The following UBR2 variants were observed in gnomAD, a reference collection of about 807,000 sequenced individuals.
UBR2 encodes the protein ubiquitin protein ligase E3 component n-recognin 2.
In UBR2, 92 loss-of-function variants were observed where a neutral mutation model predicts 247.9. That is an observed-to-expected ratio of 0.37 (90% CI 0.31 to 0.44). UBR2 has a LOEUF of 0.44. Among genes scored for constraint, UBR2 ranks in the 20% least tolerant of loss-of-function variants. The pLI is 1.00. For synonymous variants in UBR2, 672 were observed against 693.5 expected, an observed-to-expected ratio of 0.97 and a Z score of 0.49; for missense variants, 1,613 against 2,112.6, an observed-to-expected ratio of 0.76 and a Z score of 4.64.
At chr6:42,622,089 C>T (rs1203891390) in intron 11 of UBR2, among the ~76,000 whole-genome samples, 5 of 152,092 alleles carry the variant, frequency 3.3e-5, no homozygotes, top group African/African-American at 1.2e-4. Context: ...AATCTTGGCT[C>T]ACTGCAACCT....
intron 11 of UBR2, among the ~76,000 whole-genome samples, chr6:42,632,242 G>A (rs1412699780): frequency 6.6e-6 from 1 of 151,768 alleles, no homozygotes; most frequent in Non-Finnish European, 1.5e-5. Flanking sequence ...GTGTCTAAAT[G>A]TCTCAGTTAA....
Position 42,628,435 on chromosome 6 carries a change from GT to G in UBR2, c.1282-4116del, listed in dbSNP as rs1795487943. ...TCATTTTTAGTTTGGTCAAGACCCA[GT>G]ACTGGCCAGGCACAGTGGCTCATGC... On this transcript the variant is annotated intron_variant, in intron 11 of 46. Transcript: ENST00000372901. Among the ~76,000 whole-genome samples, 3 of 148,200 alleles carry G rather than the reference GT, an allele frequency of 2.0e-5. No individual in the cohort carries two copies. The South Asian group carries it at 6.3e-4, about 31-fold the overall frequency.
chr6:42,614,395 CATACATACGTAT>C lies in UBR2; in HGVS notation c.986-675_986-664del, dbSNP rs1794374201. Among the ~76,000 whole-genome samples, 6 of 114,970 alleles carry C rather than the reference CATACATACGTAT, an allele frequency of 5.2e-5. No homozygotes were observed. The Admixed American group carries it at 5.7e-4, about 11-fold the overall frequency. The allele number at this position is 114,970 out of a possible 152,430, so 75.4% of individuals were successfully genotyped here. ...ATGTGTGTATATATGTATGTACGTACATACATACGTATGTATGTACGTACGTACATATATATG... is the reference window on the plus strand; with the variant it reads ...ATGTGTGTATATATGTATGTACGTACGTATGTACGTACGTACATATATATG... On this transcript the variant is annotated intron_variant, in intron 8 of 46. Transcript: ENST00000372901.
chr6:42,671,533 GA>G (rs1798443350), intron 36 of UBR2, among the ~76,000 whole-genome samples: 1 of 152,122 alleles, frequency 6.6e-6, no homozygotes, highest in Non-Finnish European at 1.5e-5. Context: ...TGACTTCTAT[GA>G]AATATCTCTT....
rs199802297 is a variant in UBR2 at position 42,646,793 on chromosome 6, T to TTA, written c.2409+1213_2409+1214dup. On this transcript the variant is annotated intron_variant, in intron 21 of 46. Coordinates refer to ENST00000372901, the MANE Select transcript of UBR2 (RefSeq NM_001363705.2). ...TTATCACACTTTTAAAAACAATAAT[T>TTA]TATATATATATGTTTATATATATAT... 4.4e-3 allele frequency among the ~76,000 whole-genome samples: 663 copies of TTA among 150,114 alleles called. 6 individuals are homozygous for TTA. The highest frequency in any genetic ancestry group is 0.015 in the African/African-American group (607 of 40,816).
intron 4 of UBR2, among the ~76,000 whole-genome samples, chr6:42,600,712 G>A (rs1267765159): frequency 6.6e-6 from 1 of 151,480 alleles, no homozygotes; most frequent in Non-Finnish European, 1.5e-5. Context: ...TGTTGCCCAG[G>A]CTTGGAGAAG....
At chr6:42,688,084 C>T in intron 44 of UBR2, 132 bp from the exon 45 acceptor site, 1 of 970,420 alleles carries the variant, frequency 1.0e-6, no homozygotes, top group Middle Eastern at 2.6e-4. Context: ...AATAAACTTG[C>T]ATAGACTGTA....
chr6:42,633,668 G>A lies in UBR2; in HGVS notation c.1545+764G>A, dbSNP rs143192743. Among the ~76,000 whole-genome samples, 1,430 of 151,880 alleles carry A rather than the reference G, an allele frequency of 9.4e-3. 16 individuals are homozygous for A. Among genetic ancestry groups the A allele is most frequent in the African/African-American group, 0.03 (1,230 of 41,384 alleles). On this transcript the variant is annotated intron_variant, in intron 13 of 46. Transcript: ENST00000372901. ...AACCTCCCAGAGTGCTGGGATTACC[G>A]GCATGAGCCACCGCACCTGGCCAGT...
Position 42,612,121 on chromosome 6 carries a change from A to G in UBR2, c.865-50A>G, listed in dbSNP as rs199734958. ...TAAAAATAATAACTTTGTTCTGCCA[A>G]TAGAATAGCTTTTTAAGTTAATTTT... On this transcript the variant is annotated intron_variant, in intron 7 of 46. Coordinates refer to ENST00000372901, the MANE Select transcript of UBR2 (RefSeq NM_001363705.2). The G allele has an allele frequency of 2.1e-5, 30 of 1,454,884 alleles. No homozygotes were observed. In the East Asian group the frequency reaches 5.9e-4, roughly 29 times the overall value. 90.1% of individuals were successfully genotyped at this position (1,454,884 alleles called of 1,614,324 possible). A position where few individuals can be genotyped will look rare whatever the true frequency, so the allele number is the denominator to read the frequency against.
Position 42,616,038 on chromosome 6 carries a change from G to C in UBR2, c.1130G>C (p.Ser377Thr). ...RSVYHQLFMS[S>T]LLMDLKYKKL... ...GTATATCATCAGTTGTTCATGAGCA[G>C]TCTGCTTATGGATTTGAAATACAAG... The change falls in exon 10 of 47, where the codon AGT (serine) becomes ACT (threonine). Residue 377 changes from serine to threonine, a missense_variant. Around this residue, in one of 3 missense-constraint regions of UBR2, gnomAD observed 1,524 missense variants for 1,967.3 expected, o/e 0.77. Coordinates refer to ENST00000372901, the MANE Select transcript of UBR2 (RefSeq NM_001363705.2). 1 of 1,606,470 alleles carries C rather than the reference G, an allele frequency of 6.2e-7. No individual in the cohort carries two copies. The highest frequency in any genetic ancestry group is 8.5e-7 in the Non-Finnish European group (1 of 1,178,322).
chr6:42,632,936 C>CTTTTTT, intron 13 of UBR2, 32 bp downstream of exon 13: 1 of 920,008 alleles, frequency 1.1e-6, no homozygotes, highest in Non-Finnish European at 1.4e-6. Context: ...TTTCTTTTTC[C>CTTTTTT]TTTTTTTTTT....
intron 40 of UBR2, among the ~76,000 whole-genome samples, 163 bp downstream of exon 40, chr6:42,677,036 A>G (rs1798758473): frequency 6.6e-6 from 1 of 152,208 alleles, no homozygotes; most frequent in African/African-American, 2.4e-5. Context: ...CTATTCATAT[A>G]CTAACATAAT....
chr6:42,636,610 A>C (rs1796111626), intron 14 of UBR2, among the ~76,000 whole-genome samples: 1 of 152,102 alleles, frequency 6.6e-6, no homozygotes, highest in Non-Finnish European at 1.5e-5. Flanking sequence ...GTTTTTTAAA[A>C]TTGCTCTGTA....
intron 2 of UBR2, among the ~76,000 whole-genome samples, chr6:42,585,992 C>T (rs1036101263): frequency 5.3e-5 from 8 of 152,060 alleles, no homozygotes; most frequent in African/African-American, 1.9e-4. Flanking sequence ...GTATTTGAGG[C>T]TTTCTTAGAT....
At chr6:42,642,617 A>C in intron 18 of UBR2, 136 bp downstream of exon 18, 5 of 667,254 alleles carry the variant, frequency 7.5e-6, no homozygotes, top group Non-Finnish European at 1.3e-5. Flanking sequence ...CTCCAAACTC[A>C]TATGGCTAAC....
chr6:42,688,306 G>A lies in UBR2; in HGVS notation c.4944G>A (p.Gln1648=), dbSNP rs2151997971. The A allele has an allele frequency of 6.2e-7, 1 of 1,614,114 alleles. No individual in the cohort carries two copies. Among genetic ancestry groups the A allele is most frequent in the East Asian group, 2.2e-5 (1 of 44,888 alleles). ...TGTGCTCCCAGAGTTACTGCTGCCAGACTGAACTGGAAGGGGAGGATGTAG... is the reference window on the plus strand; with the variant it reads ...TGTGCTCCCAGAGTTACTGCTGCCAAACTGAACTGGAAGGGGAGGATGTAG... ...SLLCSQSYCC[Q]TELEGEDVGA... The change falls in exon 45 of 47, where the codon CAG becomes CAA. Residue 1648 remains glutamine, a synonymous_variant. Coordinates refer to ENST00000372901, the MANE Select transcript of UBR2 (RefSeq NM_001363705.2).
At chr6:42,611,469 A>T (rs1278313991) in intron 7 of UBR2, among the ~76,000 whole-genome samples, 1 of 151,974 alleles carries the variant, frequency 6.6e-6, no homozygotes, top group Non-Finnish European at 1.5e-5. Context: ...CAAAAAAAAA[A>T]AAAAAGTTGA....
At chr6:42,631,860 TTATATATATATA>T (rs59218885) in intron 11 of UBR2, among the ~76,000 whole-genome samples, 1,450 of 61,496 alleles carry the variant, frequency 0.024, 79 homozygotes, top group African/African-American at 0.068. Flanking sequence ...TACTCTGATT[TTATATATATATA>T]TATATATATA....
At position 42,612,052 on chromosome 6, in the gene UBR2, C is replaced by T. The variant is rs556540542; in HGVS notation, c.865-119C>T. Reference sequence around the variant, plus strand: ...AGGAGAATGGTGTTTTTCTTACATCCATGAAAAAGTCTCCTATGATGATGA... The same window carrying T: ...AGGAGAATGGTGTTTTTCTTACATCTATGAAAAAGTCTCCTATGATGATGA... On this transcript the variant is annotated intron_variant, in intron 7 of 46. Transcript: ENST00000372901. 8 of 869,008 alleles carry T rather than the reference C, an allele frequency of 9.2e-6. No individual in the cohort carries two copies. The East Asian group carries it at 1.8e-4, about 20-fold the overall frequency. The allele number at this position is 869,008 out of a possible 1,614,324, so 53.8% of individuals were successfully genotyped here.
Sources: allele counts gnomAD v4.1 joint callset (sites outside exome capture counted in the v4.1 genomes callset), GRCh38; gene constraint gnomAD v4.1.1; regional missense constraint gnomAD v4.1.1; transcripts MANE v1.5; gene names NCBI Gene and HGNC (gene_info 2026-07-23, HGNC 2026-07-21).